Variants in LRRIQ1 observed in about 807,000 individuals in gnomAD.
The protein encoded by LRRIQ1 is leucine-rich repeat- and IQ domain-containing protein 1.
LRRIQ1 carries 210 observed loss-of-function variants against 211.9 expected under a neutral mutation model. The ratio of observed to expected loss-of-function variants is 0.99; its 90% CI spans 0.89 to 1.11. The LOEUF is 1.11. LRRIQ1 is among the 50% of genes most tolerant of loss of function. LRRIQ1 has a pLI of 0.00. For missense variants in LRRIQ1, 2,136 were observed against 1,939.5 expected (o/e 1.10, Z -1.90); for synonymous variants, 699 against 650.1 (o/e 1.08, Z -1.14).
At chr12:85,090,741 G>A (rs1371369666) in intron 11 of LRRIQ1, among the ~76,000 whole-genome samples, 1 of 152,170 alleles carries the variant, frequency 6.6e-6, no homozygotes, top group East Asian at 1.9e-4. Context: ...GAAGGGACTT[G>A]CCTTATCTCA....
chr12:85,202,995 A>G (rs2137028087), intron 24 of LRRIQ1, among the ~76,000 whole-genome samples: 1 of 152,246 alleles, frequency 6.6e-6, no homozygotes, highest in South Asian at 2.1e-4. Flanking sequence ...AATTTGATAC[A>G]GTTTGGCTCT....
At chr12:85,195,638 A>C (rs1220405850) in intron 24 of LRRIQ1, among the ~76,000 whole-genome samples, 2 of 151,372 alleles carry the variant, frequency 1.3e-5, no homozygotes, top group Non-Finnish European at 3.0e-5. Context: ...CTTCATGCTA[A>C]AAACTCTCAA....
At chr12:85,148,922 A>G (rs1388503489) in intron 19 of LRRIQ1, among the ~76,000 whole-genome samples, 1 of 151,422 alleles carries the variant, frequency 6.6e-6, no homozygotes, top group Non-Finnish European at 1.5e-5. Context: ...TTTTTTTTAT[A>G]TGTTTGTTGG....
At chr12:85,137,062 T>G (rs2136543765) in intron 18 of LRRIQ1, among the ~76,000 whole-genome samples, 1 of 151,644 alleles carries the variant, frequency 6.6e-6, no homozygotes, top group Admixed American at 6.6e-5. Context: ...TTTTTAAAAT[T>G]AATTTTATAA....
chr12:85,220,215 A>G (rs909365741), intron 24 of LRRIQ1, among the ~76,000 whole-genome samples: 1 of 152,176 alleles, frequency 6.6e-6, no homozygotes, highest in Non-Finnish European at 1.5e-5. Flanking sequence ...ACTCATCTCT[A>G]TTAATGAAAC....
At chr12:85,084,833 G>GA (rs1884648532) in intron 11 of LRRIQ1, among the ~76,000 whole-genome samples, 1 of 151,778 alleles carries the variant, frequency 6.6e-6, no homozygotes, top group South Asian at 2.1e-4. Context: ...GGCTGAGGTG[G>GA]AAGGATCACT....
intron 4 of LRRIQ1, among the ~76,000 whole-genome samples, 153 bp from the exon 5 acceptor site, chr12:85,045,867 T>C (rs897781175): frequency 6.6e-6 from 1 of 152,044 alleles, no homozygotes; most frequent in East Asian, 1.9e-4. Context: ...AAGAGAATAA[T>C]TATCAATGTG....
chr12:85,208,069 AT>A (rs1893651056), intron 24 of LRRIQ1, among the ~76,000 whole-genome samples: 1 of 151,822 alleles, frequency 6.6e-6, no homozygotes, highest in East Asian at 1.9e-4. Flanking sequence ...ATATATACAT[AT>A]ATTAACGTGT....
intron 15 of LRRIQ1, among the ~76,000 whole-genome samples, chr12:85,112,107 A>T (rs1339054095): frequency 6.6e-6 from 1 of 152,022 alleles, no homozygotes; most frequent in Non-Finnish European, 1.5e-5. Context: ...ATTTCTAAAA[A>T]CATCTGAAGT....
chr12:85,112,280 T>A (rs2136356490), intron 15 of LRRIQ1, among the ~76,000 whole-genome samples: 1 of 151,930 alleles, frequency 6.6e-6, no homozygotes, highest in South Asian at 2.1e-4. Flanking sequence ...TTTTATAGGG[T>A]TTATACCCTT....
chr12:85,046,261 T>G, intron 5 of LRRIQ1, 124 bp downstream of exon 5: 3 of 595,148 alleles, frequency 5.0e-6, no homozygotes, highest in Middle Eastern at 2.7e-4. Flanking sequence ...TGTTTGAAGA[T>G]TATTGTGCCT....
At chr12:85,195,775 A>T (rs888145754) in intron 24 of LRRIQ1, among the ~76,000 whole-genome samples, 1 of 152,166 alleles carries the variant, frequency 6.6e-6, no homozygotes, top group African/African-American at 2.4e-5. Context: ...CAAGACAGGG[A>T]TGCCCTCTCT....
intron 24 of LRRIQ1, among the ~76,000 whole-genome samples, chr12:85,211,075 TGTGA>T (rs1368973065): frequency 2.0e-4 from 31 of 152,232 alleles, no homozygotes; most frequent in African/African-American, 7.0e-4. Flanking sequence ...CTTCTTGTGC[TGTGA>T]GTAAAACTTT....
At chr12:85,147,632 T>C (rs181657793) in intron 19 of LRRIQ1, among the ~76,000 whole-genome samples, 308 of 151,668 alleles carry the variant, frequency 2.0e-3, no homozygotes, top group African/African-American at 7.2e-3. Context: ...CTTGGGTGAA[T>C]TGAGGTCCCT....
At chr12:85,108,143 A>G (rs768329247) in intron 15 of LRRIQ1, among the ~76,000 whole-genome samples, 19 of 152,040 alleles carry the variant, frequency 1.2e-4, no homozygotes, top group Non-Finnish European at 2.1e-4. Context: ...ATTTCATTGT[A>G]TTACTTTAAA....
intron 19 of LRRIQ1, among the ~76,000 whole-genome samples, chr12:85,144,828 G>A (rs117790371): frequency 2.2e-3 from 332 of 151,570 alleles, no homozygotes; most frequent in Non-Finnish European, 4.1e-3. Context: ...TTTGCAATGC[G>A]GAGATTACTT....
At chr12:85,119,736 G>T (rs963516337) in intron 15 of LRRIQ1, among the ~76,000 whole-genome samples, 1 of 151,210 alleles carries the variant, frequency 6.6e-6, no homozygotes, top group Non-Finnish European at 1.5e-5. Context: ...ACATTGTCTC[G>T]TTGTTATTTT....
In LRRIQ1 at chr12:85,196,588, G is replaced by A. The variant is rs373749725; in HGVS notation, c.4823-32929G>A. Among the ~76,000 whole-genome samples, 39 of 151,898 alleles carry A rather than the reference G, an allele frequency of 2.6e-4. No individual in the cohort carries two copies. The East Asian group carries it at 4.5e-3, about 17-fold the overall frequency. ...ACAAGCAATGGGGAAAGGATTCCCT[G>A]TTTAATAAATGGTGCTGGGAAAACT... On this transcript the variant is annotated intron_variant, in intron 24 of 26. Coordinates refer to ENST00000393217, the MANE Select transcript of LRRIQ1 (RefSeq NM_001079910.2).
chr12:85,055,875 A>G lies in LRRIQ1; in HGVS notation c.1082A>G (p.Glu361Gly). Reference sequence around the variant, plus strand: ...AAGGAAGAGGAAAGGAAAAGGAGAGAAAAAGAATATGAAGAAAAAAAGAAT... The same window carrying G: ...AAGGAAGAGGAAAGGAAAAGGAGAGGAAAAGAATATGAAGAAAAAAAGAAT... ...KQKEEERKRR[E>G]KEYEEKKNIV... is the part of the protein sequence containing the mutation. Residue 361 changes from glutamate to glycine, a missense_variant, in exon 8 of 27, where the codon GAA becomes GGA. Glu to Gly is a moderately conservative substitution (Grantham distance 98). Coordinates refer to ENST00000393217, the MANE Select transcript of LRRIQ1 (RefSeq NM_001079910.2). The G allele has an allele frequency of 6.3e-7, 1 of 1,594,044 alleles. No homozygotes were observed. The highest frequency in any genetic ancestry group is 2.2e-5 in the East Asian group (1 of 44,618).
Sources: allele counts gnomAD v4.1 joint callset (sites outside exome capture counted in the v4.1 genomes callset), GRCh38; gene constraint gnomAD v4.1.1; transcripts MANE v1.5; gene names NCBI Gene and HGNC (gene_info 2026-07-23, HGNC 2026-07-21).